ARHGAP25: variants seen among roughly 807,000 people sequenced by gnomAD.
ARHGAP25 encodes Rho GTPase activating protein 25, also known as rho GTPase-activating protein 25.
ARHGAP25 carries 34 observed loss-of-function variants against 71.0 expected under a neutral mutation model. The ratio of observed to expected loss-of-function variants is 0.48; its 90% CI spans 0.36 to 0.64. ARHGAP25 has a LOEUF of 0.64. ARHGAP25 is among the 30% of genes least tolerant of loss of function. The pLI, the probability that ARHGAP25 is intolerant of heterozygous loss-of-function variation, is 0.00. For synonymous variants in ARHGAP25, 282 were observed against 296.5 expected (o/e 0.95, Z 0.50); for missense variants, 706 against 805.1 (o/e 0.88, Z 1.49).
At chr2:68,716,470 A>G (rs536421595) in intron 2 of ARHGAP25, among the ~76,000 whole-genome samples, 13 of 152,302 alleles carry the variant, frequency 8.5e-5, no homozygotes, top group African/African-American at 2.9e-4. Flanking sequence ...AGATGGGGAC[A>G]CTGTGGTGAG....
chr2:68,776,137 C>CA (rs1677892525), intron 2 of ARHGAP25, among the ~76,000 whole-genome samples: 1 of 151,994 alleles, frequency 6.6e-6, no homozygotes, highest in South Asian at 2.1e-4. Context: ...GCTAAGGCAC[C>CA]AAAGGGAGCA....
chr2:68,749,447 T>C (rs1314556595), intron 1 of ARHGAP25, among the ~76,000 whole-genome samples: 2 of 152,192 alleles, frequency 1.3e-5, no homozygotes, highest in African/African-American at 2.4e-5. Flanking sequence ...ATTCATCCAC[T>C]TCTCTTACCT....
chr2:68,742,201 G>T (rs1021736530), intron 1 of ARHGAP25, among the ~76,000 whole-genome samples: 1 of 152,188 alleles, frequency 6.6e-6, no homozygotes, highest in Non-Finnish European at 1.5e-5. Flanking sequence ...TGGAATTTTG[G>T]CCTATGGTGG....
At chr2:68,813,810 A>AT (rs1681006891) in intron 6 of ARHGAP25, among the ~76,000 whole-genome samples, 1 of 152,206 alleles carries the variant, frequency 6.6e-6, no homozygotes, top group Admixed American at 6.5e-5. Context: ...AGGCGTGGTC[A>AT]TCCAAGGAAT....
chr2:68,760,821 T>G (rs373916948), intron 1 of ARHGAP25, among the ~76,000 whole-genome samples: 4 of 144,754 alleles, frequency 2.8e-5, no homozygotes, highest in Non-Finnish European at 6.0e-5. Context: ...ATAGAAAAAC[T>G]CATCCTAAAG....
chr2:68,820,075 G>T (rs1681531296), intron 9 of ARHGAP25, among the ~76,000 whole-genome samples: 1 of 152,184 alleles, frequency 6.6e-6, no homozygotes, highest in Admixed American at 6.5e-5. Context: ...TAAAAGGCAG[G>T]TAGTGGGTAG....
rs367795010 is a variant in ARHGAP25 at position 68,750,322 on chromosome 2, CTTTT to C, written c.61+15076_61+15079del. On this transcript the variant is annotated intron_variant, in intron 1 of 10. Transcript: ENST00000409202. ...CACTGCGCCCAGCCCCATGAAGCCA[CTTTT>C]TTTTTTTTTTTTTGAGATAGAGTTT... Among the ~76,000 whole-genome samples the C allele has an allele frequency of 9.4e-3, 1,315 of 139,456 alleles. 18 individuals carry two copies. Among genetic ancestry groups the C allele is most frequent in the African/African-American group, 0.033 (1,222 of 37,440 alleles). 91.5% of individuals were successfully genotyped at this position (139,456 alleles called of 152,430 possible). A position where few individuals can be genotyped will look rare whatever the true frequency, so the allele number is the denominator to read the frequency against.
intron 4 of ARHGAP25, 22 bp downstream of exon 4, chr2:68,787,978 C>T (rs199781587): frequency 6.3e-7 from 1 of 1,589,752 alleles, no homozygotes; most frequent in Admixed American, 1.7e-5. Flanking sequence ...TGCAGGCTTT[C>T]CTGGGCAGGT....
chr2:68,719,932 T>A (rs974129634), intron 2 of ARHGAP25, among the ~76,000 whole-genome samples: 2 of 152,178 alleles, frequency 1.3e-5, no homozygotes, highest in Non-Finnish European at 2.9e-5. Context: ...AAACTCAGAA[T>A]AAGGTACGCC....
intron 1 of ARHGAP25, among the ~76,000 whole-genome samples, chr2:68,735,949 T>C (rs900721888): frequency 6.6e-6 from 1 of 152,234 alleles, no homozygotes. Flanking sequence ...AAGTTTAATC[T>C]ATATATTCGT....
At chr2:68,789,050 C>T (rs1470061765) in intron 4 of ARHGAP25, among the ~76,000 whole-genome samples, 34 of 150,130 alleles carry the variant, frequency 2.3e-4, no homozygotes, top group African/African-American at 7.1e-4. Flanking sequence ...TTTTTTTTTC[C>T]GAGACGGAGT....
intron 2 of ARHGAP25, among the ~76,000 whole-genome samples, chr2:68,719,961 G>C (rs539419335): frequency 3.0e-4 from 46 of 152,294 alleles, no homozygotes; most frequent in African/African-American, 1.1e-3. Context: ...GGTTTGTCCA[G>C]TGACCTGTCG....
At chr2:68,783,828 C>T (rs1182813308) in intron 3 of ARHGAP25, among the ~76,000 whole-genome samples, 1 of 152,088 alleles carries the variant, frequency 6.6e-6, no homozygotes, top group Non-Finnish European at 1.5e-5. Context: ...GCAGGAAAGC[C>T]TGCTTTTTCA....
chr2:68,812,696 A>T (rs1680917528), intron 5 of ARHGAP25, among the ~76,000 whole-genome samples: 1 of 152,168 alleles, frequency 6.6e-6, no homozygotes, highest in Non-Finnish European at 1.5e-5. Context: ...CTGTGGCTCG[A>T]TGGGGCCAGG....
At chr2:68,775,443 C>T (rs778153950) in intron 2 of ARHGAP25, 23 bp downstream of exon 2, 7 of 1,613,910 alleles carry the variant, frequency 4.3e-6, no homozygotes, top group East Asian at 2.2e-5. Flanking sequence ...CTGTTTGTCC[C>T]GTTCATAAGG....
At chr2:68,803,995 C>T (rs187941038) in intron 4 of ARHGAP25, among the ~76,000 whole-genome samples, 104 of 151,956 alleles carry the variant, frequency 6.8e-4, no homozygotes, top group African/African-American at 2.0e-3. Flanking sequence ...GATGAAGACA[C>T]GCAAAGGGTA....
chr2:68,811,830 G>A (rs1295905051), intron 5 of ARHGAP25, among the ~76,000 whole-genome samples: 2 of 152,086 alleles, frequency 1.3e-5, no homozygotes, highest in African/African-American at 4.8e-5. Context: ...CAGGAGACAT[G>A]TTCTCCAGCC....
chr2:68,783,436 G>C (rs1317903986), intron 3 of ARHGAP25, among the ~76,000 whole-genome samples: 2 of 151,670 alleles, frequency 1.3e-5, no homozygotes, highest in Non-Finnish European at 2.9e-5. Context: ...CTAGATGCTT[G>C]CTTGTTTGTT....
At chr2:68,816,643 C>G (rs1044106482) in intron 7 of ARHGAP25, 6 of 323,654 alleles carry the variant, frequency 1.9e-5, no homozygotes, top group Non-Finnish European at 3.5e-5. Context: ...TATAATGTTT[C>G]TAGAATGATC....
Sources: allele counts gnomAD v4.1 joint callset (sites outside exome capture counted in the v4.1 genomes callset), GRCh38; gene constraint gnomAD v4.1.1; transcripts MANE v1.5; gene names NCBI Gene and HGNC (gene_info 2026-07-23, HGNC 2026-07-21).